Variants in KYNU observed in about 807,000 individuals in gnomAD.
KYNU encodes L-kynurenine hydrolase.
A neutral mutation model predicts 59.2 loss-of-function variants in KYNU; 54 were observed. The observed-to-expected ratio is 0.91, with a 90% CI of 0.73 to 1.14. The LOEUF is 1.14. KYNU is among the 50% of genes most tolerant of loss of function. The probability of loss-of-function intolerance (pLI) is 0.00; values close to 1 mark genes in which losing one functional copy is unlikely to be tolerated. For synonymous variants in KYNU, 177 were observed against 192.0 expected, an observed-to-expected ratio of 0.92 and a Z score of 0.65; for missense variants, 567 against 554.4, an observed-to-expected ratio of 1.02 and a Z score of -0.23.
intron 8 of KYNU, among the ~76,000 whole-genome samples, chr2:142,972,797 TA>T (rs1684765383): frequency 7.6e-6 from 1 of 131,762 alleles, no homozygotes. Flanking sequence ...AGGCCATATA[TA>T]TATATATATA....
Position 143,044,484 on chromosome 2 carries a change from C to T in KYNU, c.*2312C>T, listed in dbSNP as rs1687132724. On this transcript the variant is annotated 3_prime_UTR_variant, in exon 14 of 14. Transcript: ENST00000264170. ...AAGCATTCCTATTTCTCCACATCCT[C>T]TCAGCATCTGTTGTTTCTTGACTTT... The T allele has an allele frequency of 6.6e-6, 1 of 152,154 alleles. No individual in the cohort carries two copies. Among genetic ancestry groups the T allele is most frequent in the Admixed American group, 6.6e-5 (1 of 15,260 alleles). 9.4% of individuals were successfully genotyped at this position (152,154 alleles called of 1,614,324 possible). A position where few individuals can be genotyped will look rare whatever the true frequency, so the allele number is the denominator to read the frequency against.
rs902182054 is a variant in KYNU, at chr2:142,970,235, C to A, written c.729+9465C>A. ...ATTTGAAGAGAAAATATTTTCGCAG[C>A]AGATAATCTATCTTATGGAGGAGGG... On this transcript the variant is annotated intron_variant, in intron 8 of 13. Transcript: ENST00000264170. Among the ~76,000 whole-genome samples, 5 of 152,232 alleles carry A rather than the reference C, an allele frequency of 3.3e-5. No homozygotes were observed. In the South Asian group the frequency reaches 6.2e-4, roughly 19 times the overall value.
chr2:143,018,345 ATTC>A (rs1161409944), intron 10 of KYNU, among the ~76,000 whole-genome samples: 4 of 152,176 alleles, frequency 2.6e-5, no homozygotes, highest in Non-Finnish European at 4.4e-5. Context: ...GTCCAGTTTT[ATTC>A]TTCTGCATAT....
At chr2:142,939,617 A>AAAAAAG (rs1683519542) in intron 4 of KYNU, among the ~76,000 whole-genome samples, 1 of 150,140 alleles carries the variant, frequency 6.7e-6, no homozygotes, top group African/African-American at 2.5e-5. Flanking sequence ...AAAAAAAAAA[A>AAAAAAG]AAAAAGAAAA....
intron 7 of KYNU, among the ~76,000 whole-genome samples, chr2:142,958,343 C>T (rs1684235729): frequency 6.6e-6 from 1 of 152,108 alleles, no homozygotes; most frequent in South Asian, 2.1e-4. Context: ...CAGGCTTGAC[C>T]TAAGATCTAA....
At chr2:142,933,492 A>C (rs1683292415) in intron 4 of KYNU, among the ~76,000 whole-genome samples, 1 of 152,162 alleles carries the variant, frequency 6.6e-6, no homozygotes, top group Non-Finnish European at 1.5e-5. Context: ...CTAATCCTAG[A>C]AAAGAGAGAG....
At chr2:142,894,143 C>T (rs1188754265) in intron 2 of KYNU, among the ~76,000 whole-genome samples, 1 of 152,190 alleles carries the variant, frequency 6.6e-6, no homozygotes, top group Non-Finnish European at 1.5e-5. Context: ...AGATGCCATA[C>T]CACTCATCAA....
At chr2:143,021,757 G>A (rs1335587680) in intron 10 of KYNU, among the ~76,000 whole-genome samples, 1 of 151,956 alleles carries the variant, frequency 6.6e-6, no homozygotes, top group Non-Finnish European at 1.5e-5. Flanking sequence ...CTTCCACCAG[G>A]CCCCACCTTC....
chr2:142,986,674 T>C (rs985855032), intron 10 of KYNU, among the ~76,000 whole-genome samples: 2 of 151,866 alleles, frequency 1.3e-5, no homozygotes, highest in African/African-American at 4.8e-5. Flanking sequence ...GTGTTCCTTT[T>C]ACTTTTTTCT....
intron 2 of KYNU, among the ~76,000 whole-genome samples, chr2:142,914,511 A>G (rs1573783943): frequency 6.6e-6 from 1 of 152,172 alleles, no homozygotes; most frequent in Non-Finnish European, 1.5e-5. Flanking sequence ...TTTTCTTTAG[A>G]GTGCTTCACA....
intron 2 of KYNU, among the ~76,000 whole-genome samples, chr2:142,909,910 T>C (rs889504086): frequency 6.6e-6 from 1 of 152,164 alleles, no homozygotes; most frequent in Non-Finnish European, 1.5e-5. Context: ...CTAATTTACA[T>C]TCCCACCAAT....
intron 2 of KYNU, among the ~76,000 whole-genome samples, chr2:142,896,226 CCATTTTG>C (rs1282522991): frequency 1.3e-5 from 2 of 152,164 alleles, no homozygotes; most frequent in African/African-American, 2.4e-5. Flanking sequence ...AGTGGCTGTA[CCATTTTG>C]CATTTTGCAT....
At chr2:142,983,398 C>G (rs1347073459) in intron 8 of KYNU, among the ~76,000 whole-genome samples, 1 of 152,030 alleles carries the variant, frequency 6.6e-6, no homozygotes, top group Non-Finnish European at 1.5e-5. Flanking sequence ...CATGGCTGAT[C>G]CCAGTGGCTG....
At chr2:142,958,010 G>A in intron 7 of KYNU, 1 of 295,028 alleles carries the variant, frequency 3.4e-6, no homozygotes, top group Non-Finnish European at 6.4e-6. Flanking sequence ...GACAAATTTA[G>A]TATATCATTT....
chr2:142,989,783 T>G (rs1448596053), intron 10 of KYNU: 1 of 152,020 alleles, frequency 6.6e-6, no homozygotes, highest in Non-Finnish European at 1.5e-5. Flanking sequence ...AAAGGAATTA[T>G]AAGCATGGGT....
rs1684488239 is a variant in KYNU at position 142,965,178 on chromosome 2, G to A, written c.729+4408G>A. Among the ~76,000 whole-genome samples the A allele has an allele frequency of 2.0e-5, 3 of 152,090 alleles. No individual in the cohort carries two copies. The South Asian group carries it at 6.2e-4, about 32-fold the overall frequency. On this transcript the variant is annotated intron_variant, in intron 8 of 13. Transcript: ENST00000264170. ...CCCACTACATCCGGATGTCCTATATGTACCTTGGGATCAATATGCTCCAAA... is the reference window on the plus strand; with the variant it reads ...CCCACTACATCCGGATGTCCTATATATACCTTGGGATCAATATGCTCCAAA...
In KYNU at chr2:142,985,089, T is replaced by G. The variant is rs137982021; in HGVS notation, c.735T>G (p.Cys245Trp). Residue 245 changes from cysteine (C) to tryptophan (W), a missense_variant, in exon 9 of 14, where the codon TGT becomes TGG. Cys to Trp is a radical substitution (Grantham distance 215, BLOSUM62 -2). Transcript: ENST00000264170. ...AITKAGQAKG[C>W]YVGFDLAHAV... ...ATTATTGTGTTCTTCCCTAGGGTTGTTATGTTGGCTTTGATCTAGCACATG... is the reference window on the plus strand; with the variant it reads ...ATTATTGTGTTCTTCCCTAGGGTTGGTATGTTGGCTTTGATCTAGCACATG... 263 of 1,595,798 alleles carry G rather than the reference T, an allele frequency of 1.6e-4. No individual in the cohort carries two copies. Among genetic ancestry groups the G allele is most frequent in the Non-Finnish European group, 2.2e-4 (256 of 1,163,960 alleles).
chr2:142,992,405 C>T (rs1003177788), intron 10 of KYNU, among the ~76,000 whole-genome samples: 1 of 151,682 alleles, frequency 6.6e-6, no homozygotes, highest in Non-Finnish European at 1.5e-5. Context: ...AATCAACACA[C>T]CTTATCCTTA....
intron 8 of KYNU, among the ~76,000 whole-genome samples, chr2:142,963,072 A>T (rs532353116): frequency 5.3e-4 from 81 of 152,336 alleles, no homozygotes; most frequent in African/African-American, 1.9e-3. Context: ...TGGAGCAATG[A>T]GAGTCAATCA....
Sources: allele counts gnomAD v4.1 joint callset (sites outside exome capture counted in the v4.1 genomes callset), GRCh38; gene constraint gnomAD v4.1.1; transcripts MANE v1.5; gene names NCBI Gene and HGNC (gene_info 2026-07-23, HGNC 2026-07-21).